The following SLC9A9 variants were observed in gnomAD, a reference collection of about 807,000 sequenced individuals.
SLC9A9 encodes the protein solute carrier family 9 member A9.
Under a neutral mutation model 77.8 loss-of-function variants are expected in SLC9A9, and 62 were observed. That is an observed-to-expected ratio of 0.80 (90% CI 0.65 to 0.98). The LOEUF is 0.98. Among genes scored for constraint, SLC9A9 ranks in the 50% least tolerant of loss-of-function variants. The probability of loss-of-function intolerance (pLI) is 0.00; values close to 1 mark genes in which losing one functional copy is unlikely to be tolerated. For missense variants in SLC9A9, 775 were observed against 774.9 expected (o/e 1.00, Z 0.00); for synonymous variants, 320 against 283.5 (o/e 1.13, Z -1.29).
intron 13 of SLC9A9, among the ~76,000 whole-genome samples, chr3:143,368,685 G>A (rs897708450): frequency 6.6e-6 from 1 of 152,138 alleles, no homozygotes; most frequent in African/African-American, 2.4e-5. Flanking sequence ...GGTAGTACCT[G>A]TGAATAGAAT....
chr3:143,583,922 G>T (rs540648900), intron 6 of SLC9A9, among the ~76,000 whole-genome samples: 1 of 152,280 alleles, frequency 6.6e-6, no homozygotes, highest in African/African-American at 2.4e-5. Context: ...ATATGAATTT[G>T]TTTTGTGCAG....
chr3:143,598,357 AAGG>A (rs1192380619), intron 6 of SLC9A9, among the ~76,000 whole-genome samples: 3 of 152,224 alleles, frequency 2.0e-5, no homozygotes, highest in Non-Finnish European at 4.4e-5. Context: ...TTCCAGAATT[AAGG>A]AGATGTGTCT....
intron 8 of SLC9A9, among the ~76,000 whole-genome samples, chr3:143,573,518 C>T (rs2037304154): frequency 6.6e-6 from 1 of 152,034 alleles, no homozygotes; most frequent in Admixed American, 6.5e-5. Context: ...AACGAACTGC[C>T]CCCTTTCTAT....
chr3:143,759,409 A>AT (rs1315826110), intron 4 of SLC9A9, among the ~76,000 whole-genome samples: 1 of 120,246 alleles, frequency 8.3e-6, no homozygotes, highest in African/African-American at 4.6e-5. Flanking sequence ...TTATTTATTT[A>AT]TTTTTTCTTT....
chr3:143,433,494 TTC>T (rs2034566047), intron 12 of SLC9A9, among the ~76,000 whole-genome samples: 1 of 152,176 alleles, frequency 6.6e-6, no homozygotes. Flanking sequence ...ATTATCCAAT[TTC>T]TCTTTTTATA....
intron 14 of SLC9A9, among the ~76,000 whole-genome samples, chr3:143,344,862 A>G (rs1010433911): frequency 3.7e-4 from 16 of 43,726 alleles, no homozygotes; most frequent in African/African-American, 1.1e-3. Flanking sequence ...TGTTGGAGGG[A>G]AAAAAAGTGT....
intron 4 of SLC9A9, among the ~76,000 whole-genome samples, chr3:143,735,370 C>T (rs915975384): frequency 4.6e-5 from 7 of 152,004 alleles, no homozygotes; most frequent in Admixed American, 1.3e-4. Context: ...TTGTTCAACC[C>T]CAGAATCCTA....
chr3:143,536,194 T>C (rs1361392674), intron 9 of SLC9A9, among the ~76,000 whole-genome samples: 2 of 152,084 alleles, frequency 1.3e-5, no homozygotes, highest in Non-Finnish European at 2.9e-5. Context: ...AAGCTGGAGG[T>C]TACTTTTGAC....
At chr3:143,705,210 C>T (rs539442138) in intron 4 of SLC9A9, among the ~76,000 whole-genome samples, 6 of 152,056 alleles carry the variant, frequency 3.9e-5, no homozygotes, top group African/African-American at 1.4e-4. Flanking sequence ...ACAAATTTCA[C>T]GTTACCACTC....
Position 143,415,630 on chromosome 3 carries a change from C to T in SLC9A9, c.1470-33516G>A, listed in dbSNP as rs1369993177. Among the ~76,000 whole-genome samples the T allele has an allele frequency of 2.0e-5, 3 of 152,190 alleles. No homozygotes were observed. In the East Asian group the frequency reaches 5.8e-4, roughly 29 times the overall value. On this transcript the variant is annotated intron_variant, in intron 12 of 15. Transcript: ENST00000316549. ...AAAGATTCCTTTCAAAACATTGCTA[C>T]TCATTGACAATGCACCTAGTCACCT...
At chr3:143,656,415 G>A (rs190112357) in intron 5 of SLC9A9, among the ~76,000 whole-genome samples, 1 of 152,034 alleles carries the variant, frequency 6.6e-6, no homozygotes, top group East Asian at 1.9e-4. Context: ...ATCTCAATGT[G>A]TTTACTCTTA....
intron 12 of SLC9A9, among the ~76,000 whole-genome samples, chr3:143,442,605 CA>C (rs2108545847): frequency 6.6e-6 from 1 of 152,272 alleles, no homozygotes; most frequent in South Asian, 2.1e-4. Flanking sequence ...CCTGTAATCC[CA>C]GCTACTTGGG....
chr3:143,645,906 A>C (rs1179939534), intron 6 of SLC9A9, among the ~76,000 whole-genome samples: 1 of 152,120 alleles, frequency 6.6e-6, no homozygotes, highest in Non-Finnish European at 1.5e-5. Context: ...TTTATCTCTA[A>C]GAAAACCTGG....
At chr3:143,536,970 A>C (rs1294375546) in intron 9 of SLC9A9, among the ~76,000 whole-genome samples, 2 of 152,086 alleles carry the variant, frequency 1.3e-5, no homozygotes, top group African/African-American at 4.8e-5. Flanking sequence ...ATTGCATCAG[A>C]ATCTCTGGGG....
chr3:143,296,900 A>G (rs2030295874), intron 14 of SLC9A9, among the ~76,000 whole-genome samples: 2 of 152,012 alleles, frequency 1.3e-5, no homozygotes, highest in African/African-American at 4.8e-5. Flanking sequence ...GAGTTGTAGG[A>G]GTTCCTTATA....
chr3:143,659,392 A>G (rs1286008624), intron 5 of SLC9A9, among the ~76,000 whole-genome samples: 1 of 152,238 alleles, frequency 6.6e-6, no homozygotes, highest in Admixed American at 6.5e-5. Context: ...GGTACACACA[A>G]AATAAGAGGG....
rs545278226 is a variant in SLC9A9 at position 143,694,910 on chromosome 3, G to T, written c.534-1603C>A. Among the ~76,000 whole-genome samples the T allele has an allele frequency of 7.9e-5, 12 of 152,202 alleles. No homozygotes were observed. The East Asian group carries it at 2.3e-3, about 29-fold the overall frequency. On this transcript the variant is annotated intron_variant, in intron 4 of 15. Coordinates refer to ENST00000316549, the MANE Select transcript of SLC9A9 (RefSeq NM_173653.4). ...TCTTAAGCCAATCCATAATGGTTTA[G>T]AGCACAGGGGCCCAACATTGCTTTG...
chr3:143,341,977 T>C (rs1030157892), intron 14 of SLC9A9, among the ~76,000 whole-genome samples: 6 of 152,190 alleles, frequency 3.9e-5, no homozygotes, highest in Admixed American at 1.3e-4. Context: ...CTGAGTTTCA[T>C]TGATTCCGGG....
At chr3:143,431,485 CTTT>C (rs35264017) in intron 12 of SLC9A9, among the ~76,000 whole-genome samples, 1 of 130,098 alleles carries the variant, frequency 7.7e-6, no homozygotes, top group Non-Finnish European at 1.6e-5. Context: ...CTGCCCCCAC[CTTT>C]TTTTTTTTTT....
Sources: allele counts gnomAD v4.1 joint callset (sites outside exome capture counted in the v4.1 genomes callset), GRCh38; gene constraint gnomAD v4.1.1; transcripts MANE v1.5; gene names NCBI Gene and HGNC (gene_info 2026-07-23, HGNC 2026-07-21).